Variants in ASTN2 observed in about 807,000 individuals in gnomAD.
ASTN2 encodes the protein astrotactin-2.
Under a neutral mutation model 139.8 loss-of-function variants are expected in ASTN2, and 54 were observed. The ratio of observed to expected loss-of-function variants is 0.39; its 90% confidence interval spans 0.31 to 0.48. ASTN2 has a LOEUF of 0.48. ASTN2 is among the 20% of genes least tolerant of loss of function. The probability of loss-of-function intolerance (pLI) is 0.95; values close to 1 mark genes in which losing one functional copy is unlikely to be tolerated. For synonymous variants in ASTN2, 756 were observed against 719.5 expected (o/e 1.05, Z -0.81); for missense variants, 1,565 against 1,725.1 (o/e 0.91, Z 1.64).
At chr9:117,024,056 T>C (rs1396267572) in intron 6 of ASTN2, among the ~76,000 whole-genome samples, 1 of 152,090 alleles carries the variant, frequency 6.6e-6, no homozygotes, top group Non-Finnish European at 1.5e-5. Context: ...CTGAGGCCAA[T>C]TTCCTTTTGC....
intron 16 of ASTN2, among the ~76,000 whole-genome samples, chr9:116,697,124 G>A (rs1293717170): frequency 6.6e-6 from 1 of 152,130 alleles, no homozygotes; most frequent in Non-Finnish European, 1.5e-5. Context: ...CTGTACTCCA[G>A]CAGAACATTA....
At chr9:116,964,099 T>C (rs1286795769) in intron 10 of ASTN2, among the ~76,000 whole-genome samples, 1 of 152,104 alleles carries the variant, frequency 6.6e-6, no homozygotes, top group Non-Finnish European at 1.5e-5. Context: ...CTTGCTGGGA[T>C]CCTCTTTGAT....
intron 11 of ASTN2, among the ~76,000 whole-genome samples, chr9:116,842,609 A>G (rs1047355652): frequency 2.0e-5 from 3 of 151,978 alleles, no homozygotes; most frequent in African/African-American, 7.3e-5. Flanking sequence ...CCCGTCTATT[A>G]ATGCTGACAT....
At chr9:117,286,396 G>A (rs1241036989) in intron 2 of ASTN2, among the ~76,000 whole-genome samples, 2 of 135,710 alleles carry the variant, frequency 1.5e-5, no homozygotes, top group African/African-American at 2.7e-5. Flanking sequence ...CTGTTGCCCA[G>A]GCTGGAGTCC....
At chr9:116,686,896 TC>T in intron 16 of ASTN2, 1 of 1,522,708 alleles carries the variant, frequency 6.6e-7, no homozygotes, top group Non-Finnish European at 8.8e-7. Context: ...GTTCTCGACT[TC>T]CCCAGAATGG....
At chr9:116,828,323 G>A (rs367840354) in intron 11 of ASTN2, among the ~76,000 whole-genome samples, 1 of 145,962 alleles carries the variant, frequency 6.9e-6, no homozygotes. Context: ...AAAAATACTA[G>A]CAAGTCGAAT....
intron 13 of ASTN2, among the ~76,000 whole-genome samples, chr9:116,758,574 A>C (rs571650712): frequency 6.6e-6 from 1 of 152,356 alleles, no homozygotes; most frequent in South Asian, 2.1e-4. Context: ...AGATTGTGCC[A>C]CAGCTGAGAG....
At chr9:117,195,150 A>G (rs1025756025) in intron 3 of ASTN2, among the ~76,000 whole-genome samples, 9 of 152,232 alleles carry the variant, frequency 5.9e-5, no homozygotes, top group African/African-American at 2.2e-4. Context: ...TATTACAAGA[A>G]CAAATAGTAA....
intron 3 of ASTN2, among the ~76,000 whole-genome samples, chr9:117,195,167 C>T (rs1239944444): frequency 6.6e-6 from 1 of 152,068 alleles, no homozygotes; most frequent in Middle Eastern, 3.2e-3. Context: ...GTAAAGTTGA[C>T]AGAAGACAAA....
intron 7 of ASTN2, among the ~76,000 whole-genome samples, chr9:116,999,548 C>CTTTTTTTTTTTTTTTTTTTTTTTTTTTTT (rs71379248): frequency 1.1e-5 from 1 of 94,920 alleles, no homozygotes; most frequent in Non-Finnish European, 1.9e-5. Context: ...TTCTCTCTTT[C>CTTTTTTTTTTTTTTTTTTTTTTTTTTTTT]TTTTTTTTTT....
In ASTN2 at chr9:117,147,466, C is replaced by CT. The variant is rs1421525394; in HGVS notation, c.1016-5989_1016-5988insA. Among the ~76,000 whole-genome samples, 1,320 of 147,046 alleles carry CT rather than the reference C, an allele frequency of 9.0e-3. 17 individuals are homozygous for CT. Among genetic ancestry groups the CT allele is most frequent in the African/African-American group, 0.033 (1,266 of 37,836 alleles). ...ACACACACACACACACACACACACC[C>CT]CCGTTATCCACCGTTCTCTTCCCCC... On this transcript the variant is annotated intron_variant, in intron 3 of 22. Coordinates refer to ENST00000313400, the MANE Select transcript of ASTN2 (RefSeq NM_001365068.1).
intron 19 of ASTN2, among the ~76,000 whole-genome samples, chr9:116,511,733 A>G (rs1024539482): frequency 1.3e-5 from 2 of 152,010 alleles, no homozygotes; most frequent in Admixed American, 1.3e-4. Context: ...TAGTCTTGGG[A>G]GGGTGGATGT....
intron 17 of ASTN2, among the ~76,000 whole-genome samples, chr9:116,633,673 C>A (rs1187522801): frequency 6.6e-6 from 1 of 152,188 alleles, no homozygotes; most frequent in Non-Finnish European, 1.5e-5. Flanking sequence ...TCTGTGGCCA[C>A]TGATGATTTC....
chr9:117,376,743 G>GT (rs1830135090), intron 1 of ASTN2, among the ~76,000 whole-genome samples: 1 of 152,130 alleles, frequency 6.6e-6, no homozygotes, highest in Admixed American at 6.5e-5. Context: ...GGGCTATGAT[G>GT]TTTTCTTGGG....
At chr9:116,690,365 G>A (rs1483104286) in intron 16 of ASTN2, among the ~76,000 whole-genome samples, 1 of 152,178 alleles carries the variant, frequency 6.6e-6, no homozygotes, top group African/African-American at 2.4e-5. Context: ...TAGCTAGGTT[G>A]GGATACAAAC....
intron 1 of ASTN2, among the ~76,000 whole-genome samples, chr9:117,320,423 C>T (rs1828290496): frequency 6.6e-6 from 1 of 152,176 alleles, no homozygotes; most frequent in Admixed American, 6.5e-5. Context: ...TAAAACAGCT[C>T]ACCACAGGCC....
chr9:117,027,233 T>C (rs1838114585), intron 6 of ASTN2, among the ~76,000 whole-genome samples: 2 of 152,298 alleles, frequency 1.3e-5, no homozygotes, highest in South Asian at 4.1e-4. Flanking sequence ...TGGTAGCATC[T>C]ATTATCTATT....
At chr9:116,758,955 G>A (rs935893508) in intron 13 of ASTN2, among the ~76,000 whole-genome samples, 1 of 152,170 alleles carries the variant, frequency 6.6e-6, no homozygotes, top group African/African-American at 2.4e-5. Flanking sequence ...GCACAGTGGT[G>A]CTATCATGGC....
At chr9:117,401,803 A>G (rs1459680810) in intron 1 of ASTN2, among the ~76,000 whole-genome samples, 1 of 152,216 alleles carries the variant, frequency 6.6e-6, no homozygotes, top group African/African-American at 2.4e-5. Context: ...TATGATTGTC[A>G]CATGTCAACA....
Sources: gnomAD v4.1 joint callset for allele counts (sites outside exome capture counted in the v4.1 genomes callset) on GRCh38, gnomAD v4.1.1 for gene constraint, MANE v1.5 for transcripts, NCBI Gene and HGNC (gene_info 2026-07-23, HGNC 2026-07-21) for gene names.